PPP2R5E: variants seen among roughly 807,000 people sequenced by gnomAD.
The protein encoded by PPP2R5E is protein phosphatase 2 regulatory subunit B'epsilon.
In PPP2R5E, 4 loss-of-function variants were observed where a neutral mutation model predicts 65.3. The observed-to-expected ratio is 0.06, with a 90% CI of 0.03 to 0.14. PPP2R5E has a LOEUF of 0.14. Ranked by LOEUF, PPP2R5E falls within the 10% of genes least tolerant of loss-of-function variation. The pLI, the probability that PPP2R5E is intolerant of heterozygous loss-of-function variation, is 1.00. For missense variants in PPP2R5E, 274 were observed against 556.1 expected (o/e 0.49, Z 5.10); for synonymous variants, 183 against 187.4 (o/e 0.98, Z 0.19).
intron 4 of PPP2R5E, among the ~76,000 whole-genome samples, chr14:63,417,692 G>A (rs189212215): frequency 6.2e-4 from 94 of 152,254 alleles, no homozygotes; most frequent in African/African-American, 2.2e-3. Context: ...CTTCAAAGAT[G>A]TTCTCAAGTG....
intron 3 of PPP2R5E, among the ~76,000 whole-genome samples, chr14:63,439,883 G>A (rs72714239): frequency 0.22 from 32,715 of 152,064 alleles, 3,712 homozygotes; most frequent in East Asian, 0.31. Flanking sequence ...CTTGCCTGCA[G>A]GGAGAGAAGG....
chr14:63,468,285 A>G (rs1168290405), intron 2 of PPP2R5E, among the ~76,000 whole-genome samples: 3 of 152,324 alleles, frequency 2.0e-5, no homozygotes, highest in East Asian at 3.9e-4. Flanking sequence ...AACAATATAA[A>G]TTGTTGATAC....
rs1313692823 is a variant in PPP2R5E at position 63,391,996 on chromosome 14, C to T, written c.879G>A (p.Glu293=). ...QLAYCIVQFL[E]KDPSLTEPVI... Reference sequence around the variant, plus strand: ...CTGGTTCTGTGAGTGAAGGATCTTTCTCCAGAAACTGTACTATACAATATG... The same window carrying T: ...CTGGTTCTGTGAGTGAAGGATCTTTTTCCAGAAACTGTACTATACAATATG... Residue 293 remains glutamate (E), a synonymous_variant, in exon 9 of 14, where the codon GAG becomes GAA. Transcript: ENST00000337537. 1 of 1,610,528 alleles carries T rather than the reference C, an allele frequency of 6.2e-7. No homozygotes were observed. Among genetic ancestry groups the T allele is most frequent in the Non-Finnish European group, 8.5e-7 (1 of 1,178,952 alleles).
At chr14:63,382,925 A>G (rs946211517) in intron 12 of PPP2R5E, among the ~76,000 whole-genome samples, 6 of 152,012 alleles carry the variant, frequency 3.9e-5, no homozygotes, top group Non-Finnish European at 5.9e-5. Flanking sequence ...TTATATATAT[A>G]TGTGTATATA....
chr14:63,378,717 GTCAAAT>G (rs1034026317), intron 13 of PPP2R5E, among the ~76,000 whole-genome samples: 35 of 152,296 alleles, frequency 2.3e-4, no homozygotes, highest in African/African-American at 7.9e-4. Context: ...AGGGGATATT[GTCAAAT>G]TCTCTTCTAA....
rs776642897 is a variant in PPP2R5E, at chr14:63,382,091, G to A, written c.1269C>T (p.Asp423=). ...AFMEMNSTMF[D]ELTATYKSDR... is the part of the protein sequence containing the mutation. The stretch of plus-strand genomic sequence containing the variant: ...CTGACTTGTATGTGGCTGTCAGCTC[G>A]TCAAACATGGTGCTGTTCATTTCCA... Residue 423 remains aspartate (D), a synonymous_variant, in exon 13 of 14, where the codon GAC becomes GAT. Coordinates refer to ENST00000337537, the MANE Select transcript of PPP2R5E (RefSeq NM_006246.5). The A allele has an allele frequency of 1.7e-5, 27 of 1,613,398 alleles. No homozygotes were observed. The highest frequency in any genetic ancestry group is 1.3e-4 in the East Asian group (6 of 44,860).
intron 11 of PPP2R5E, among the ~76,000 whole-genome samples, chr14:63,388,420 T>C (rs147887020): frequency 0.011 from 1,751 of 152,296 alleles, 40 homozygotes; most frequent in African/African-American, 0.04. Flanking sequence ...ATCACAGGCA[T>C]GAGCCACTGC....
Position 63,534,294 on chromosome 14 carries a change from C to CT in PPP2R5E, c.157+5234dup, listed in dbSNP as rs1011449183. Among the ~76,000 whole-genome samples, 864 of 147,870 alleles carry CT rather than the reference C, an allele frequency of 5.8e-3. 4 individuals are homozygous for CT. Among genetic ancestry groups the CT allele is most frequent in the African/African-American group, 0.02 (812 of 40,422 alleles). On this transcript the variant is annotated intron_variant, in intron 2 of 13. Coordinates refer to ENST00000337537, the MANE Select transcript of PPP2R5E (RefSeq NM_006246.5). ...AGGAAAGTATCCAAGTCTTGACTTTCTTTTTTTTTTTAAGACAGAGTTTAT... is the reference window on the plus strand; with the variant it reads ...AGGAAAGTATCCAAGTCTTGACTTTCTTTTTTTTTTTTAAGACAGAGTTTAT...
intron 3 of PPP2R5E, among the ~76,000 whole-genome samples, chr14:63,437,083 G>A (rs537996036): frequency 3.3e-5 from 5 of 152,216 alleles, no homozygotes; most frequent in East Asian, 1.9e-4. Flanking sequence ...ACCTCTGGTC[G>A]TCCTCACCGC....
At chr14:63,416,007 T>C (rs537776074) in intron 4 of PPP2R5E, among the ~76,000 whole-genome samples, 1 of 152,354 alleles carries the variant, frequency 6.6e-6, no homozygotes, top group East Asian at 1.9e-4. Context: ...CATCGGATCA[T>C]AAGATGGTGT....
At chr14:63,502,650 G>GAGCA (rs1463895981) in intron 2 of PPP2R5E, among the ~76,000 whole-genome samples, 1 of 151,996 alleles carries the variant, frequency 6.6e-6, no homozygotes, top group Non-Finnish European at 1.5e-5. Context: ...CTGGGTGACA[G>GAGCA]AGCAAGACTC....
rs1009542377 is a variant in PPP2R5E at position 63,371,812 on chromosome 14, C to T, written c.*4197G>A. ...TACTAACAGGGAAAATGAACTTTTG[C>T]TGCCCTCTCCTGCTAAAACAATGAA... On this transcript the variant is annotated 3_prime_UTR_variant, in exon 14 of 14. Transcript: ENST00000337537. The T allele has an allele frequency of 1.8e-4, 28 of 152,120 alleles. No individual in the cohort carries two copies. Among genetic ancestry groups the T allele is most frequent in the African/African-American group, 6.3e-4 (26 of 41,426 alleles). 9.4% of individuals were successfully genotyped at this position (152,120 alleles called of 1,614,324 possible).
intron 2 of PPP2R5E, among the ~76,000 whole-genome samples, chr14:63,492,960 C>T (rs1045040052): frequency 6.6e-6 from 1 of 152,138 alleles, no homozygotes; most frequent in African/African-American, 2.4e-5. Context: ...AATTGGCCTG[C>T]CTGTCCCTAC....
intron 2 of PPP2R5E, among the ~76,000 whole-genome samples, chr14:63,534,684 A>G (rs190640465): frequency 1.9e-4 from 29 of 152,274 alleles, no homozygotes; most frequent in Admixed American, 5.2e-4. Context: ...CAGTGGAACA[A>G]TCACAGCTCA....
chr14:63,413,807 T>C (rs1361843664), intron 5 of PPP2R5E, among the ~76,000 whole-genome samples: 1 of 152,198 alleles, frequency 6.6e-6, no homozygotes, highest in South Asian at 2.1e-4. Flanking sequence ...TACCTTTCCA[T>C]CTCTATTTCA....
chr14:63,422,685 G>C (rs61995012), intron 3 of PPP2R5E, among the ~76,000 whole-genome samples: 22,592 of 145,142 alleles, frequency 0.16, 2,486 homozygotes, highest in African/African-American at 0.33. Context: ...CGAGATCGCG[G>C]CACTGCACTC....
In PPP2R5E at chr14:63,415,230, A is replaced by T. The variant is rs1886629218; in HGVS notation, c.459T>A (p.Leu153=). 6 of 1,590,718 alleles carry T rather than the reference A, an allele frequency of 3.8e-6. No individual in the cohort carries two copies. The South Asian group carries it at 4.4e-5, about 12-fold the overall frequency. Residue 153 remains leucine (L), a splice_region_variant and synonymous_variant, in exon 5 of 14, where the codon CTT becomes CTA. Coordinates refer to ENST00000337537, the MANE Select transcript of PPP2R5E (RefSeq NM_006246.5). ...AAAATCGTATGAAAAATTCATATAC[A>T]AGCTGCAACAAACAGATTATAATTA... is the stretch of plus-strand genomic sequence containing the variant. ...TLEASWPHLQ[L]VYEFFIRFLE...
At chr14:63,464,305 A>G (rs1205180550) in intron 2 of PPP2R5E, among the ~76,000 whole-genome samples, 2 of 152,192 alleles carry the variant, frequency 1.3e-5, no homozygotes, top group African/African-American at 2.4e-5. Flanking sequence ...TGTGCAGGGC[A>G]AGGGGGACTA....
At chr14:63,537,112 T>G (rs1366959314) in intron 2 of PPP2R5E, among the ~76,000 whole-genome samples, 2 of 152,142 alleles carry the variant, frequency 1.3e-5, no homozygotes, top group African/African-American at 4.8e-5. Flanking sequence ...ATTCTTCTCA[T>G]GCATGCTTCT....
Sources: allele counts gnomAD v4.1 joint callset (sites outside exome capture counted in the v4.1 genomes callset), GRCh38; gene constraint gnomAD v4.1.1; transcripts MANE v1.5; gene names NCBI Gene and HGNC (gene_info 2026-07-23, HGNC 2026-07-21).